HHAT: variants seen among roughly 807,000 people sequenced by gnomAD.
HHAT encodes the protein hedgehog acyltransferase, also known as protein-cysteine N-palmitoyltransferase HHAT.
A neutral mutation model predicts 70.8 loss-of-function variants in HHAT; 47 were observed. The ratio of observed to expected loss-of-function variants is 0.66; its 90% CI spans 0.53 to 0.85. The LOEUF (loss-of-function observed/expected upper bound fraction) is 0.85, where lower values mean the gene tolerates loss of function less well. HHAT is among the 40% of genes least tolerant of loss of function. HHAT has a pLI of 0.00. For synonymous variants in HHAT, 228 were observed against 247.6 expected, an observed-to-expected ratio of 0.92 and a Z score of 0.74; for missense variants, 609 against 604.8, an observed-to-expected ratio of 1.01 and a Z score of -0.07.
At chr1:210,673,762 A>AT (rs202105229) in intron 11 of HHAT, among the ~76,000 whole-genome samples, 960 of 92,112 alleles carry the variant, frequency 0.01, 16 homozygotes, top group Middle Eastern at 0.017. Context: ...TGGCTTATTT[A>AT]TTATTTATTT....
At chr1:210,556,383 G>A (rs2095572871) in intron 9 of HHAT, among the ~76,000 whole-genome samples, 2 of 152,168 alleles carry the variant, frequency 1.3e-5, no homozygotes, top group Non-Finnish European at 2.9e-5. Context: ...GCGTCCTCTA[G>A]CTGTGGTCAG....
At chr1:210,467,554 T>C (rs1430338003) in intron 8 of HHAT, among the ~76,000 whole-genome samples, 1 of 152,260 alleles carries the variant, frequency 6.6e-6, no homozygotes, top group Non-Finnish European at 1.5e-5. Flanking sequence ...AATGGCTCTC[T>C]TCCTAGATTT....
At chr1:210,495,930 G>A (rs749346097) in intron 8 of HHAT, among the ~76,000 whole-genome samples, 37 of 142,048 alleles carry the variant, frequency 2.6e-4, no homozygotes, top group Non-Finnish European at 4.7e-4. Context: ...AGAATCACTT[G>A]AACCTAGGAG....
intron 3 of HHAT, among the ~76,000 whole-genome samples, chr1:210,371,299 C>T (rs1313831691): frequency 6.6e-6 from 1 of 152,210 alleles, no homozygotes; most frequent in African/African-American, 2.4e-5. Flanking sequence ...CAGGCATGTG[C>T]CATCATACTT....
intron 9 of HHAT, among the ~76,000 whole-genome samples, chr1:210,529,720 G>A (rs957855832): frequency 5.3e-5 from 8 of 152,164 alleles, no homozygotes; most frequent in African/African-American, 1.9e-4. Context: ...GAGACATGCA[G>A]CTTTCCCTGC....
At chr1:210,452,140 G>A (rs527921367) in intron 7 of HHAT, among the ~76,000 whole-genome samples, 3 of 152,300 alleles carry the variant, frequency 2.0e-5, no homozygotes, top group South Asian at 4.1e-4. Context: ...AATTCCCAGC[G>A]ATCTAAGGAC....
At chr1:210,585,376 G>A (rs1307030091) in intron 9 of HHAT, among the ~76,000 whole-genome samples, 1 of 152,138 alleles carries the variant, frequency 6.6e-6, no homozygotes, top group Non-Finnish European at 1.5e-5. Flanking sequence ...AATTATTTGG[G>A]AACTGTTGTA....
At chr1:210,501,860 C>CCTT (rs1413821576) in intron 8 of HHAT, among the ~76,000 whole-genome samples, 3 of 152,122 alleles carry the variant, frequency 2.0e-5, no homozygotes, top group African/African-American at 7.2e-5. Flanking sequence ...TCATCCGAGA[C>CCTT]CTTCTCCCTG....
At chr1:210,433,624 A>T (rs1226455100) in intron 7 of HHAT, among the ~76,000 whole-genome samples, 1 of 151,818 alleles carries the variant, frequency 6.6e-6, no homozygotes, top group Non-Finnish European at 1.5e-5. Flanking sequence ...ACTCCCTGGG[A>T]TTGAGAGGAC....
intron 3 of HHAT, 21 bp downstream of exon 3, chr1:210,362,940 A>C (rs1223775259): frequency 1.3e-6 from 2 of 1,557,142 alleles, no homozygotes; most frequent in Non-Finnish European, 1.8e-6. Context: ...GATGCATAAT[A>C]AATCTCAGTT....
chr1:210,478,031 T>G (rs1232664756), intron 8 of HHAT, among the ~76,000 whole-genome samples: 1 of 152,202 alleles, frequency 6.6e-6, no homozygotes, highest in Non-Finnish European at 1.5e-5. Flanking sequence ...TAGGTCCCCT[T>G]CTTGCAGTCT....
At chr1:210,457,649 TC>T (rs1192980841) in intron 7 of HHAT, among the ~76,000 whole-genome samples, 2 of 152,140 alleles carry the variant, frequency 1.3e-5, no homozygotes, top group Non-Finnish European at 2.9e-5. Context: ...GGGGCACCTC[TC>T]TCCAATCCTG....
chr1:210,352,740 C>T (rs2087160947), intron 2 of HHAT, among the ~76,000 whole-genome samples: 3 of 152,058 alleles, frequency 2.0e-5, no homozygotes, highest in Admixed American at 2.0e-4. Context: ...CAACAGAATA[C>T]CCCTTCTTCC....
chr1:210,585,206 G>A (rs548736659), intron 9 of HHAT, among the ~76,000 whole-genome samples: 1 of 152,004 alleles, frequency 6.6e-6, no homozygotes, highest in East Asian at 1.9e-4. Flanking sequence ...GTGTACCTTG[G>A]GCAAATTAAT....
chr1:210,587,864 CTGTA>C (rs1450394042), intron 9 of HHAT, 30 bp from the exon 10 acceptor site: 2 of 1,564,998 alleles, frequency 1.3e-6, no homozygotes, highest in Non-Finnish European at 1.8e-6. Flanking sequence ...GGGCAGCCCT[CTGTA>C]TGTCTCCTAA....
intron 7 of HHAT, among the ~76,000 whole-genome samples, chr1:210,462,019 G>A (rs1269378300): frequency 6.6e-6 from 1 of 152,144 alleles, no homozygotes; most frequent in Non-Finnish European, 1.5e-5. Flanking sequence ...CTGTATGAAA[G>A]TACTAACAAA....
At chr1:210,346,976 A>G (rs1250912791) in intron 1 of HHAT, among the ~76,000 whole-genome samples, 2 of 152,236 alleles carry the variant, frequency 1.3e-5, no homozygotes, top group African/African-American at 4.8e-5. Flanking sequence ...TTGTGAGATG[A>G]TTAAATCAAG....
intron 9 of HHAT, among the ~76,000 whole-genome samples, chr1:210,526,367 G>GTTTTGTTTTGTTTTGTTTTTT: frequency 7.0e-6 from 1 of 142,336 alleles, no homozygotes; most frequent in Non-Finnish European, 1.5e-5. Flanking sequence ...AGTGGGTTCT[G>GTTTTGTTTTGTTTTGTTTTTT]TTTTTTTTTT....
rs1194473552 is a variant in HHAT at position 210,675,403 on chromosome 1, T to C, written c.*1024T>C. 1 of 152,194 alleles carries C rather than the reference T, an allele frequency of 6.6e-6. No homozygotes were observed. Among genetic ancestry groups the C allele is most frequent in the Non-Finnish European group, 1.5e-5 (1 of 68,034 alleles). 9.4% of individuals were successfully genotyped at this position (152,194 alleles called of 1,614,324 possible). Reference sequence around the variant, plus strand: ...TTGATTATTCACTCCTCTGAAAAGATGCTGGATAGGCTACCAAAGTTCCCA... The same window carrying C: ...TTGATTATTCACTCCTCTGAAAAGACGCTGGATAGGCTACCAAAGTTCCCA... On this transcript the variant is annotated 3_prime_UTR_variant, in exon 12 of 12. Coordinates refer to ENST00000261458, the MANE Select transcript of HHAT (RefSeq NM_018194.6).
Sources: allele counts gnomAD v4.1 joint callset (sites outside exome capture counted in the v4.1 genomes callset), GRCh38; gene constraint gnomAD v4.1.1; transcripts MANE v1.5; gene names NCBI Gene and HGNC (gene_info 2026-07-23, HGNC 2026-07-21).